Variants in PCDHGA7 observed in about 807,000 individuals in gnomAD.
PCDHGA7 encodes protocadherin gamma subfamily A, 7.
A neutral mutation model predicts 58.3 loss-of-function variants in PCDHGA7; 44 were observed. The ratio of observed to expected loss-of-function variants is 0.75; its 90% CI spans 0.59 to 0.97. PCDHGA7 has a LOEUF of 0.97. PCDHGA7 is among the 50% of genes least tolerant of loss of function. PCDHGA7 has a pLI of 0.00. For synonymous variants in PCDHGA7, 516 were observed against 504.2 expected, an observed-to-expected ratio of 1.02 and a Z score of -0.31; for missense variants, 1,266 against 1,188.7, an observed-to-expected ratio of 1.06 and a Z score of -0.96.
At position 141,485,968 on chromosome 5, in the gene PCDHGA7, T is replaced by C; in HGVS notation, c.2425-8839T>C. On this transcript the variant is annotated intron_variant, in intron 1 of 3. Coordinates refer to ENST00000518325, the MANE Select transcript of PCDHGA7 (RefSeq NM_018920.4). The surrounding 1 kb of genome is among the most constrained non-coding windows in gnomAD (Gnocchi z 5.7). The stretch of plus-strand genomic sequence containing the variant: ...CGGGCATGGTGCTCATCCAGCTCAA[T>C]GCCTCAGACCCGGACCTGGGTCCCA... 6.2e-7 allele frequency: 1 copy of C among 1,614,216 alleles called. No homozygotes were observed. The highest frequency in any genetic ancestry group is 1.1e-5 in the South Asian group (1 of 91,088).
Position 141,491,265 on chromosome 5 carries a change from CA to C in PCDHGA7, c.2425-3539del. ...AGGATGAGGACCCTGAGGAAATGCC[CA>C]AATCCAGTGACTTCCTCATACACCC... On this transcript the variant is annotated intron_variant, in intron 1 of 3. Coordinates refer to ENST00000518325, the MANE Select transcript of PCDHGA7 (RefSeq NM_018920.4). This position sits in a 1 kb window ranked among gnomAD's most constrained non-coding sequence, Gnocchi z 6.9. 1 of 1,614,074 alleles carries C rather than the reference CA, an allele frequency of 6.2e-7. No individual in the cohort carries two copies.
chr5:141,433,176 T>A, intron 1 of PCDHGA7: 1 of 1,610,288 alleles, frequency 6.2e-7, no homozygotes, highest in Non-Finnish European at 8.5e-7. Flanking sequence ...AGTCATGGGT[T>A]AATTGAGGTG....
intron 1 of PCDHGA7, chr5:141,416,273 T>C (rs891505781): frequency 8.5e-5 from 13 of 152,298 alleles, no homozygotes; most frequent in African/African-American, 3.1e-4. Flanking sequence ...CCTTTTTGCA[T>C]ACAATTCTCT....
intron 1 of PCDHGA7, among the ~76,000 whole-genome samples, chr5:141,446,150 A>G (rs754792549): frequency 6.6e-6 from 1 of 152,216 alleles, no homozygotes; most frequent in Non-Finnish European, 1.5e-5. Flanking sequence ...GAATAGGTGG[A>G]ATATAAATTT....
chr5:141,444,152 ATTTTTTTTTTTTTTTTTTTTTTTTT>A (rs747671382), intron 1 of PCDHGA7, among the ~76,000 whole-genome samples: 1 of 33,882 alleles, frequency 3.0e-5, no homozygotes, highest in Non-Finnish European at 5.2e-5. Context: ...TGTGTACTGG[ATTTTTTTTTTTTTTTTTTTTTTTTT>A]TTTTTTTTTT....
At chr5:141,433,207 TC>T (rs780557883) in intron 1 of PCDHGA7, 10 of 1,568,868 alleles carry the variant, frequency 6.4e-6, no homozygotes, top group African/African-American at 1.4e-5. Flanking sequence ...AAATCTTCTT[TC>T]TTTTTTTTTT....
chr5:141,490,380 T>C lies in PCDHGA7; in HGVS notation c.2425-4427T>C, dbSNP rs1246254637. 1 of 1,614,204 alleles carries C rather than the reference T, an allele frequency of 6.2e-7. No individual in the cohort carries two copies. ...TTAATGTGCGAGACCGGGACTCAGGTAGAAATGGTGAAGTGAGCCTTGATA... is the reference window on the plus strand; with the variant it reads ...TTAATGTGCGAGACCGGGACTCAGGCAGAAATGGTGAAGTGAGCCTTGATA... On this transcript the variant is annotated intron_variant, in intron 1 of 3. Coordinates refer to ENST00000518325, the MANE Select transcript of PCDHGA7 (RefSeq NM_018920.4). This position sits in a 1 kb window ranked among gnomAD's most constrained non-coding sequence, Gnocchi z 5.4.
intron 1 of PCDHGA7, among the ~76,000 whole-genome samples, chr5:141,453,176 C>T (rs1225418058): frequency 6.6e-6 from 1 of 152,042 alleles, no homozygotes; most frequent in Non-Finnish European, 1.5e-5. Flanking sequence ...TCCAGTGGTA[C>T]AATCACAGCT....
At position 141,410,315 on chromosome 5, in the gene PCDHGA7, C is replaced by G. The variant is rs781293010; in HGVS notation, c.2424+24992C>G. 3 of 1,614,040 alleles carry G rather than the reference C, an allele frequency of 1.9e-6. No homozygotes were observed. In the East Asian group the frequency reaches 6.7e-5, roughly 36 times the overall value. On this transcript the variant is annotated intron_variant, in intron 1 of 3. Coordinates refer to ENST00000518325, the MANE Select transcript of PCDHGA7 (RefSeq NM_018920.4). ...GGCCTTAATCTCAGTGCTCTTCCTCCTCGCCGTGATTCTGGCCATTGCCTT... is the reference window on the plus strand; with the variant it reads ...GGCCTTAATCTCAGTGCTCTTCCTCGTCGCCGTGATTCTGGCCATTGCCTT...
At chr5:141,505,241 T>C in intron 2 of PCDHGA7, 152 bp from the exon 3 acceptor site, 3 of 1,396,292 alleles carry the variant, frequency 2.1e-6, no homozygotes, top group South Asian at 1.4e-5. Flanking sequence ...TTCTGAAGGA[T>C]TGTAGAAGTG....
In PCDHGA7 at chr5:141,476,040, G is replaced by A; in HGVS notation, c.2425-18767G>A. 2.0e-6 allele frequency: 3 copies of A among 1,488,704 alleles called. No individual in the cohort carries two copies. Among genetic ancestry groups the A allele is most frequent in the Admixed American group, 2.2e-5 (1 of 44,984 alleles). 92.2% of individuals were successfully genotyped at this position (1,488,704 alleles called of 1,614,324 possible). On this transcript the variant is annotated intron_variant, in intron 1 of 3. Coordinates refer to ENST00000518325, the MANE Select transcript of PCDHGA7 (RefSeq NM_018920.4). The surrounding 1 kb of genome is among the most constrained non-coding windows in gnomAD (Gnocchi z 7.6). The stretch of plus-strand genomic sequence containing the variant: ...CGGACTCGGCGCCCAGCGCCCAAGC[G>A]CTAACCCGCTGAAAGTTTCTCAGCG...
chr5:141,510,223 G>C (rs944276162), intron 3 of PCDHGA7, among the ~76,000 whole-genome samples: 1 of 151,302 alleles, frequency 6.6e-6, no homozygotes, highest in African/African-American at 2.4e-5. Context: ...CAGTGAGCCG[G>C]GATCGCGCCA....
At chr5:141,409,592 A>G in intron 1 of PCDHGA7, 1 of 1,613,898 alleles carries the variant, frequency 6.2e-7, no homozygotes, top group African/African-American at 1.3e-5. Flanking sequence ...CGTGGCCGAG[A>G]ACAACCCGCC....
In PCDHGA7 at chr5:141,491,463, C is replaced by CT. The variant is rs765984397; in HGVS notation, c.2425-3343dup. The CT allele has an allele frequency of 6.2e-7, 1 of 1,614,112 alleles. No homozygotes were observed. Among genetic ancestry groups the CT allele is most frequent in the Non-Finnish European group, 8.5e-7 (1 of 1,180,010 alleles). ...GCCAGGACTCACCCTCCCCGGACTT[C>CT]TATAAGCAGTCCAGCCCCAACCTGC... On this transcript the variant is annotated intron_variant, in intron 1 of 3. Coordinates refer to ENST00000518325, the MANE Select transcript of PCDHGA7 (RefSeq NM_018920.4). This position sits in a 1 kb window ranked among gnomAD's most constrained non-coding sequence, Gnocchi z 6.9.
chr5:141,438,347 C>T (rs150878327), intron 1 of PCDHGA7, among the ~76,000 whole-genome samples: 7 of 151,730 alleles, frequency 4.6e-5, no homozygotes, highest in Non-Finnish European at 2.9e-5. Flanking sequence ...TAAGGATCTA[C>T]TCTGTGTATT....
intron 1 of PCDHGA7, chr5:141,421,895 G>T: frequency 2.5e-6 from 4 of 1,613,730 alleles, no homozygotes; most frequent in Non-Finnish European, 3.4e-6. Context: ...GATCCCATCC[G>T]AAAGGGCGCA....
Position 141,491,589 on chromosome 5 carries a change from C to T in PCDHGA7, c.2425-3218C>T. 6.2e-7 allele frequency: 1 copy of T among 1,613,926 alleles called. No homozygotes were observed. The highest frequency in any genetic ancestry group is 8.5e-7 in the Non-Finnish European group (1 of 1,180,024). ...GGACGTGCTTTTCACCGGCCTCGGA[C>T]GGCAGTGACTTCACTTTTCTAAGAC... On this transcript the variant is annotated intron_variant, in intron 1 of 3. Transcript: ENST00000518325. This position sits in a 1 kb window ranked among gnomAD's most constrained non-coding sequence, Gnocchi z 6.9.
intron 1 of PCDHGA7, chr5:141,421,468 C>G: frequency 1.2e-6 from 2 of 1,614,096 alleles, no homozygotes; most frequent in Non-Finnish European, 1.7e-6. Flanking sequence ...TGTGAATCCG[C>G]GAAGCGGCAG....
chr5:141,464,419 A>C (rs2099083824), intron 1 of PCDHGA7, among the ~76,000 whole-genome samples: 1 of 151,658 alleles, frequency 6.6e-6, no homozygotes, highest in Non-Finnish European at 1.5e-5. Flanking sequence ...ATATATCTAT[A>C]TATATAGATA....
Sources: gnomAD v4.1 joint callset for allele counts (sites outside exome capture counted in the v4.1 genomes callset) on GRCh38, gnomAD v4.1.1 for gene constraint, Gnocchi (gnomAD v3.1) non-coding constraint, MANE v1.5 for transcripts, NCBI Gene and HGNC (gene_info 2026-07-23, HGNC 2026-07-21) for gene names.